The following PDK1 variants were observed in gnomAD, a reference collection of about 807,000 sequenced individuals.
The protein encoded by PDK1 is [Pyruvate dehydrogenase (acetyl-transferring)] kinase isozyme 1, mitochondrial.
In PDK1, 39 loss-of-function variants were observed where a neutral mutation model predicts 54.2. The ratio of observed to expected loss-of-function variants is 0.72; its 90% CI spans 0.56 to 0.94. The LOEUF (loss-of-function observed/expected upper bound fraction) is 0.94. Ranked by LOEUF, PDK1 falls within the 40% of genes least tolerant of loss-of-function variation. PDK1 has a pLI of 0.00. For synonymous variants in PDK1, 221 were observed against 207.1 expected (o/e 1.07, Z -0.58); for missense variants, 552 against 566.0 (o/e 0.98, Z 0.25).
At chr2:172,566,755 A>G (rs1286172941) in intron 5 of PDK1, 101 bp from the exon 6 acceptor site, 6 of 607,816 alleles carry the variant, frequency 9.9e-6, no homozygotes, top group East Asian at 3.1e-5. Flanking sequence ...TCTTCTGTAG[A>G]GAGTTCAAGA....
chr2:172,695,915 G>T, the PDK1 span, among the ~76,000 whole-genome samples: 1 of 152,118 alleles, frequency 6.6e-6, no homozygotes, highest in African/African-American at 2.4e-5. Flanking sequence ...GCTTATGCCT[G>T]TAATCCCAGC....
chr2:172,645,085 C>A, the PDK1 span, among the ~76,000 whole-genome samples: 522 of 151,996 alleles, frequency 3.4e-3, 3 homozygotes, highest in African/African-American at 0.011. Context: ...TTTTATAAGC[C>A]AATTTTTAAA....
chr2:172,711,752 G>C, the PDK1 span, among the ~76,000 whole-genome samples: 2 of 151,122 alleles, frequency 1.3e-5, no homozygotes, highest in African/African-American at 4.9e-5. Context: ...TTTCGTCCCA[G>C]CTACTCGGGA....
chr2:172,631,377 A>G, the PDK1 span, among the ~76,000 whole-genome samples: 17 of 152,220 alleles, frequency 1.1e-4, no homozygotes, highest in Non-Finnish European at 2.1e-4. Flanking sequence ...ATGATTCAGT[A>G]TTCATTCTCT....
At chr2:172,703,109 G>A in the PDK1 span, among the ~76,000 whole-genome samples, 6 of 152,284 alleles carry the variant, frequency 3.9e-5, no homozygotes, top group African/African-American at 1.4e-4. Context: ...AGAAACAGAG[G>A]GAGATTTTGC....
At chr2:172,713,473 C>T in the PDK1 span, among the ~76,000 whole-genome samples, 39 of 152,334 alleles carry the variant, frequency 2.6e-4, no homozygotes, top group East Asian at 5.4e-3. Flanking sequence ...GAGCTGCCCA[C>T]AGTGCCCCCT....
chr2:172,628,035 A>T, the PDK1 span, among the ~76,000 whole-genome samples: 3,502 of 152,298 alleles, frequency 0.023, 155 homozygotes, highest in African/African-American at 0.081. Flanking sequence ...CCAATTGCAA[A>T]TCAGAAAGTC....
At chr2:172,564,422 G>A (rs1211789719) in intron 3 of PDK1, 81 bp from the exon 4 acceptor site, 7 of 1,111,144 alleles carry the variant, frequency 6.3e-6, no homozygotes, top group Non-Finnish European at 4.0e-6. Context: ...TTTTTGTCTA[G>A]CATAGTTGGT....
the PDK1 span, among the ~76,000 whole-genome samples, chr2:172,688,418 T>G: frequency 7.9e-5 from 12 of 152,320 alleles, no homozygotes; most frequent in African/African-American, 2.9e-4. Context: ...CCAGGGATTA[T>G]TGTGCCTGAT....
rs1690933247 is a variant in PDK1 at position 172,597,069 on chromosome 2, A to C, written c.*1100A>C. 1 of 152,158 alleles carries C rather than the reference A, an allele frequency of 6.6e-6. No individual in the cohort carries two copies. Among genetic ancestry groups the C allele is most frequent in the African/African-American group, 2.4e-5 (1 of 41,414 alleles). 9.4% of individuals were successfully genotyped at this position (152,158 alleles called of 1,614,324 possible). ...AGAAGAACAAAATGCCACGTAACCA[A>C]AGCATCAGAGCCATCATTGCACGTG... On this transcript the variant is annotated 3_prime_UTR_variant, in exon 11 of 11. Transcript: ENST00000282077.
At chr2:172,579,791 G>A (rs1689796431) in intron 8 of PDK1, among the ~76,000 whole-genome samples, 1 of 151,142 alleles carries the variant, frequency 6.6e-6, no homozygotes. Context: ...CTGGGCTGTG[G>A]TCTTTGAACT....
rs1231393408 is a variant in PDK1 at position 172,601,756 on chromosome 2, A to T, written c.*5787A>T. ...GCAACCAGCTAGTGGGTGTCCCTTG[A>T]TGGAGGCTTTGCAGGCTGCAGCAGA... On this transcript the variant is annotated 3_prime_UTR_variant, in exon 11 of 11. Transcript: ENST00000282077. 2.0e-5 allele frequency: 3 copies of T among 152,172 alleles called. No individual in the cohort carries two copies. The highest frequency in any genetic ancestry group is 7.2e-5 in the African/African-American group (3 of 41,448). 9.4% of individuals were successfully genotyped at this position (152,172 alleles called of 1,614,324 possible).
chr2:172,593,817 A>G (rs1690738589), intron 10 of PDK1, among the ~76,000 whole-genome samples: 1 of 152,100 alleles, frequency 6.6e-6, no homozygotes, highest in Non-Finnish European at 1.5e-5. Flanking sequence ...ACTAGGTTCC[A>G]TCATTCCCCT....
chr2:172,616,883 A>G, the PDK1 span, among the ~76,000 whole-genome samples: 1 of 152,216 alleles, frequency 6.6e-6, no homozygotes, highest in Non-Finnish European at 1.5e-5. Flanking sequence ...AACATGGTAT[A>G]CAGTGTACTT....
At chr2:172,643,958 T>G in the PDK1 span, among the ~76,000 whole-genome samples, 8 of 152,362 alleles carry the variant, frequency 5.3e-5, no homozygotes, top group East Asian at 1.5e-3. Flanking sequence ...AAGGGTGGGC[T>G]AGCCACCCAC....
chr2:172,629,020 C>T, the PDK1 span, among the ~76,000 whole-genome samples: 1 of 152,074 alleles, frequency 6.6e-6, no homozygotes, highest in Non-Finnish European at 1.5e-5. Context: ...CCCAGCTACT[C>T]AGGAGTCTAA....
the PDK1 span, chr2:172,674,683 T>C: frequency 6.6e-6 from 1 of 152,398 alleles, no homozygotes; most frequent in Non-Finnish European, 1.5e-5. Flanking sequence ...TGTGTGAGTT[T>C]TCTTTTATTT....
At chr2:172,700,485 T>C in the PDK1 span, among the ~76,000 whole-genome samples, 1 of 150,794 alleles carries the variant, frequency 6.6e-6, no homozygotes, top group South Asian at 2.1e-4. Context: ...CTAGACAGGA[T>C]GACGGCCGGG....
chr2:172,632,321 A>G, the PDK1 span, among the ~76,000 whole-genome samples: 1 of 152,166 alleles, frequency 6.6e-6, no homozygotes, highest in Non-Finnish European at 1.5e-5. Flanking sequence ...CTGGAATTGC[A>G]TTAAACTTAT....
Sources: gnomAD v4.1 joint callset for allele counts (sites outside exome capture counted in the v4.1 genomes callset) on GRCh38, gnomAD v4.1.1 for gene constraint, MANE v1.5 for transcripts, NCBI Gene and HGNC (gene_info 2026-07-23, HGNC 2026-07-21) for gene names.